Variants in HDAC4 observed in about 807,000 individuals in gnomAD.
HDAC4 encodes the protein histone deacetylase 4.
HDAC4 carries 16 observed loss-of-function variants against 135.1 expected under a neutral mutation model. The observed-to-expected ratio is 0.12, with a 90% CI of 0.08 to 0.18. The LOEUF is 0.18. Ranked by LOEUF, HDAC4 falls within the 10% of genes least tolerant of loss-of-function variation. The pLI is 1.00. For missense variants in HDAC4, 1,143 were observed against 1,511.8 expected, an observed-to-expected ratio of 0.76 and a Z score of 4.05; for synonymous variants, 685 against 653.4, an observed-to-expected ratio of 1.05 and a Z score of -0.74.
At chr2:239,053,964 T>C (rs916897307) in intron 25 of HDAC4, among the ~76,000 whole-genome samples, 2 of 151,574 alleles carry the variant, frequency 1.3e-5, no homozygotes, top group African/African-American at 4.8e-5. Context: ...TTCCTATCTC[T>C]GGGAGCAGGT....
intron 17 of HDAC4, 147 bp downstream of exon 17, chr2:239,094,863 C>A (rs1264878643): frequency 1.3e-6 from 2 of 1,576,830 alleles, no homozygotes; most frequent in South Asian, 1.1e-5. Flanking sequence ...GCTCACACGG[C>A]CTTTGAAGCC....
intron 2 of HDAC4, among the ~76,000 whole-genome samples, chr2:239,267,346 C>T (rs2049797719): frequency 6.6e-6 from 1 of 152,210 alleles, no homozygotes; most frequent in Non-Finnish European, 1.5e-5. Flanking sequence ...CAGACCCTCC[C>T]GAGGAAGCCG....
intron 3 of HDAC4, among the ~76,000 whole-genome samples, chr2:239,236,182 G>A (rs906708421): frequency 6.6e-6 from 1 of 152,208 alleles, no homozygotes; most frequent in African/African-American, 2.4e-5. Context: ...AACAAAAGCT[G>A]GTGGCAATGG....
intron 3 of HDAC4, among the ~76,000 whole-genome samples, chr2:239,203,232 C>G (rs547254206): frequency 6.6e-6 from 1 of 152,318 alleles, no homozygotes; most frequent in South Asian, 2.1e-4. Flanking sequence ...AAACCCCCAG[C>G]AAGTGGGTGC....
intron 14 of HDAC4, among the ~76,000 whole-genome samples, chr2:239,110,424 T>C (rs917037673): frequency 6.6e-6 from 1 of 152,188 alleles, no homozygotes; most frequent in South Asian, 2.1e-4. Flanking sequence ...GGGGTCTCCC[T>C]TGTCTGAGCT....
intron 1 of HDAC4, among the ~76,000 whole-genome samples, chr2:239,367,222 C>T (rs1694278123): frequency 6.6e-6 from 1 of 152,130 alleles, no homozygotes; most frequent in South Asian, 2.1e-4. Flanking sequence ...ATGTGCCCTT[C>T]TCTCACAGGG....
chr2:239,233,853 G>A (rs1440080716), intron 3 of HDAC4, among the ~76,000 whole-genome samples: 1 of 152,178 alleles, frequency 6.6e-6, no homozygotes, highest in Non-Finnish European at 1.5e-5. Flanking sequence ...ACAATTGAGT[G>A]TGTGTGTGTA....
At chr2:239,401,418 C>T (rs1045095733), upstream of HDAC4, 3 of 160,720 alleles carry the variant, frequency 1.9e-5, no homozygotes, top group African/African-American at 7.2e-5. Flanking sequence ...ACGCTCCAGG[C>T]GCCAGCCGCT....
chr2:239,257,021 A>C (rs1169115642), intron 2 of HDAC4, among the ~76,000 whole-genome samples: 1 of 152,238 alleles, frequency 6.6e-6, no homozygotes, highest in Non-Finnish European at 1.5e-5. Flanking sequence ...CTTGCTGTTA[A>C]AACTCTAAAA....
At chr2:239,168,366 C>A (rs570882647) in intron 5 of HDAC4, among the ~76,000 whole-genome samples, 2 of 152,122 alleles carry the variant, frequency 1.3e-5, no homozygotes, top group African/African-American at 4.8e-5. Context: ...TCCCAAGTGC[C>A]GTTAATCTAA....
At chr2:239,196,137 T>C (rs1265251604) in intron 3 of HDAC4, among the ~76,000 whole-genome samples, 1 of 151,798 alleles carries the variant, frequency 6.6e-6, no homozygotes, top group Non-Finnish European at 1.5e-5. Context: ...ACACTGATAT[T>C]TTGCCTCTAT....
chr2:239,056,594 A>G (rs1559345882), intron 24 of HDAC4, among the ~76,000 whole-genome samples: 1 of 152,136 alleles, frequency 6.6e-6, no homozygotes, highest in Non-Finnish European at 1.5e-5. Flanking sequence ...AACGAAATAC[A>G]CACACAGGGG....
At position 239,054,842 on chromosome 2, in the gene HDAC4, A is replaced by G. The variant is rs369118983; in HGVS notation, c.3004-9T>C. The G allele has an allele frequency of 6.3e-6, 10 of 1,588,420 alleles. No individual in the cohort carries two copies. The African/African-American group carries it at 1.3e-4, about 21-fold the overall frequency. ...TCTGGGAGAGGATCAAGCTGGAAGA[A>G]AATGCATAAGAATATAAAGACTGCC... On this transcript the variant is annotated splice_polypyrimidine_tract_variant and intron_variant, in intron 24 of 26. Coordinates refer to ENST00000543185, the MANE Select transcript of HDAC4 (RefSeq NM_001378414.1).
At chr2:239,170,904 G>A (rs1376083200) in intron 5 of HDAC4, among the ~76,000 whole-genome samples, 1 of 152,118 alleles carries the variant, frequency 6.6e-6, no homozygotes, top group Non-Finnish European at 1.5e-5. Flanking sequence ...TTGTGCGTAG[G>A]ACCTCAAAGG....
chr2:239,082,168 G>C lies in HDAC4; in HGVS notation c.2586C>G (p.Val862=). The change falls in exon 21 of 27, where the codon GTC becomes GTG. Residue 862 remains valine (V), a synonymous_variant. Coordinates refer to ENST00000543185, the MANE Select transcript of HDAC4 (RefSeq NM_001378414.1). The part of the protein sequence containing the change: ...TQQAFYSDPS[V]LYMSLHRYDD... The stretch of plus-strand genomic sequence containing the variant: ...CGTAGCGGTGGAGGGACATGTACAG[G>C]ACGCTGGGGTCGCTGTAGAAAGCCT... 1.2e-6 allele frequency: 2 copies of C among 1,614,150 alleles called. No homozygotes were observed. Among genetic ancestry groups the C allele is most frequent in the Non-Finnish European group, 1.7e-6 (2 of 1,180,000 alleles).
intron 6 of HDAC4, among the ~76,000 whole-genome samples, chr2:239,158,833 C>T (rs750653359): frequency 1.3e-5 from 2 of 152,086 alleles, no homozygotes; most frequent in Non-Finnish European, 2.9e-5. Flanking sequence ...GCGTGCCCTC[C>T]GCGAAGAAGC....
chr2:239,272,724 A>G (rs1424360972), intron 2 of HDAC4, among the ~76,000 whole-genome samples: 1 of 152,114 alleles, frequency 6.6e-6, no homozygotes, highest in Non-Finnish European at 1.5e-5. Context: ...CTCACCCCCA[A>G]TGCACCCCTG....
chr2:239,169,545 T>C (rs2043323206), intron 5 of HDAC4, among the ~76,000 whole-genome samples: 2 of 152,216 alleles, frequency 1.3e-5, no homozygotes, highest in African/African-American at 4.8e-5. Context: ...TCCTCACACG[T>C]GAAGCCAGAG....
At position 239,051,972 on chromosome 2, in the gene HDAC4, T is replaced by A. The variant is rs1416573271; in HGVS notation, c.*1125A>T. On this transcript the variant is annotated 3_prime_UTR_variant, in exon 27 of 27. Transcript: ENST00000543185. ...ATATATTATACATATATATATTTATTTATACCTAAAATTTAAGCAATACTT... is the reference window on the plus strand; with the variant it reads ...ATATATTATACATATATATATTTATATATACCTAAAATTTAAGCAATACTT... 2 of 151,966 alleles carry A rather than the reference T, an allele frequency of 1.3e-5. No homozygotes were observed. The highest frequency in any genetic ancestry group is 2.9e-5 in the Non-Finnish European group (2 of 67,990). 9.4% of individuals were successfully genotyped at this position (151,966 alleles called of 1,614,324 possible). A position where few individuals can be genotyped will look rare whatever the true frequency, so the allele number is the denominator to read the frequency against.
Sources: allele counts gnomAD v4.1 joint callset (sites outside exome capture counted in the v4.1 genomes callset), GRCh38; gene constraint gnomAD v4.1.1; transcripts MANE v1.5; gene names NCBI Gene and HGNC (gene_info 2026-07-23, HGNC 2026-07-21).